The following AXDND1 variants were observed in gnomAD, a reference collection of about 807,000 sequenced individuals.
The protein encoded by AXDND1 is axonemal dynein light chain domain containing 1.
A neutral mutation model predicts 137.5 loss-of-function variants in AXDND1; 110 were observed. The ratio of observed to expected loss-of-function variants is 0.80; its 90% CI spans 0.69 to 0.94. AXDND1 has a LOEUF of 0.94. Ranked by LOEUF, AXDND1 falls within the 40% of genes least tolerant of loss-of-function variation. The pLI is 0.00. For missense variants in AXDND1, 1,191 were observed against 1,169.8 expected, an observed-to-expected ratio of 1.02 and a Z score of -0.26; for synonymous variants, 414 against 399.7, an observed-to-expected ratio of 1.04 and a Z score of -0.43.
intron 20 of AXDND1, chr1:179,506,849 T>C: frequency 1.0e-6 from 1 of 985,460 alleles, no homozygotes; most frequent in Non-Finnish European, 1.2e-6. Context: ...CACTGCCGGT[T>C]CCAGGATTTG....
chr1:179,456,670 C>T, intron 16 of AXDND1: 2 of 818,602 alleles, frequency 2.4e-6, no homozygotes, highest in Non-Finnish European at 4.2e-6. Context: ...CCATCATGAC[C>T]ACTGAAGTTT....
At chr1:179,489,117 T>C (rs1666544924) in intron 18 of AXDND1, among the ~76,000 whole-genome samples, 1 of 125,714 alleles carries the variant, frequency 8.0e-6, no homozygotes, top group African/African-American at 3.5e-5. Flanking sequence ...AAGAAGTCTT[T>C]TCACAAAAGA....
In AXDND1 at chr1:179,430,580, G is replaced by A; in HGVS notation, c.1461G>A (p.Gly487=). ...AGACACTGAAAATTGTTAAGGATGG[G>A]CTTATCAAATGGCAGGAGTTCTTCA... ...TSETLKIVKD[G]LIKWQEFFNE... The change falls in exon 14 of 26, where the codon GGG becomes GGA. Residue 487 remains glycine (G), a synonymous_variant. Coordinates refer to ENST00000367618, the MANE Select transcript of AXDND1 (RefSeq NM_144696.6). The A allele has an allele frequency of 6.2e-7, 1 of 1,612,344 alleles. No individual in the cohort carries two copies. The highest frequency in any genetic ancestry group is 1.3e-5 in the African/African-American group (1 of 74,892).
At chr1:179,516,511 TG>T (rs1360918407) in intron 21 of AXDND1, among the ~76,000 whole-genome samples, 1 of 152,204 alleles carries the variant, frequency 6.6e-6, no homozygotes, top group Non-Finnish European at 1.5e-5. Flanking sequence ...TGTGATTTTC[TG>T]GGGGTGTTAA....
intron 17 of AXDND1, 84 bp downstream of exon 17, chr1:179,468,725 CAA>C (rs1260492081): frequency 9.1e-7 from 1 of 1,097,076 alleles, no homozygotes; most frequent in African/African-American, 1.6e-5. Context: ...TTCACTTTTT[CAA>C]AGTGTACAAT....
intron 15 of AXDND1, 71 bp from the exon 16 acceptor site, chr1:179,444,899 A>C (rs1659509672): frequency 1.1e-5 from 12 of 1,050,652 alleles, no homozygotes; most frequent in Admixed American, 7.0e-5. Flanking sequence ...CTGGGGAATA[A>C]GCATCTGGTA....
chr1:179,509,103 G>A (rs774679089), intron 20 of AXDND1, among the ~76,000 whole-genome samples, 193 bp from the exon 21 acceptor site: 2 of 152,082 alleles, frequency 1.3e-5, no homozygotes, highest in East Asian at 3.9e-4. Context: ...ATCCCACACC[G>A]TGTCAATAAG....
intron 25 of AXDND1, among the ~76,000 whole-genome samples, chr1:179,539,187 A>C (rs1479660479): frequency 6.6e-6 from 1 of 152,200 alleles, no homozygotes; most frequent in East Asian, 1.9e-4. Context: ...TAGCCCATTT[A>C]CATTTAAGGT....
chr1:179,383,409 T>G (rs1210644284), intron 7 of AXDND1, 33 bp from the exon 8 acceptor site: 2 of 1,483,856 alleles, frequency 1.3e-6, no homozygotes, highest in Non-Finnish European at 1.9e-6. Flanking sequence ...GTTGCAATGT[T>G]AATTGCATAA....
rs1164895613 is a variant in AXDND1, at chr1:179,486,802, G to T, written c.2091+3581G>T. Among the ~76,000 whole-genome samples the T allele has an allele frequency of 1.3e-5, 2 of 148,678 alleles. 1 individual carries two copies. Among genetic ancestry groups the T allele is most frequent in the African/African-American group, 5.1e-5 (2 of 39,030 alleles). Reference sequence around the variant, plus strand: ...CTGAGGGAATTTTTTGTGACCAGATGTGCCTTACAGGAGGTCCTGAAGAGA... The same window carrying T: ...CTGAGGGAATTTTTTGTGACCAGATTTGCCTTACAGGAGGTCCTGAAGAGA... On this transcript the variant is annotated intron_variant, in intron 18 of 25. Coordinates refer to ENST00000367618, the MANE Select transcript of AXDND1 (RefSeq NM_144696.6).
intron 25 of AXDND1, among the ~76,000 whole-genome samples, chr1:179,541,488 T>G (rs1368810642): frequency 6.6e-6 from 1 of 151,960 alleles, no homozygotes; most frequent in Non-Finnish European, 1.5e-5. Context: ...TGTTTTTTTT[T>G]TTTTTTTAAT....
chr1:179,447,014 T>G (rs1214063119), intron 16 of AXDND1, among the ~76,000 whole-genome samples: 1 of 152,232 alleles, frequency 6.6e-6, no homozygotes, highest in Non-Finnish European at 1.5e-5. Context: ...TCAGGGTATT[T>G]GAGGTATCTA....
intron 25 of AXDND1, chr1:179,535,163 T>C (rs1671414371): frequency 2.8e-6 from 2 of 711,400 alleles, no homozygotes; most frequent in Non-Finnish European, 4.5e-6. Context: ...TGAATAACAA[T>C]TGTGAATGAA....
chr1:179,523,785 T>C (rs1454477639), intron 21 of AXDND1, among the ~76,000 whole-genome samples: 1 of 152,056 alleles, frequency 6.6e-6, no homozygotes, highest in Non-Finnish European at 1.5e-5. Flanking sequence ...TTAGTGATAA[T>C]TTCTCAGATT....
intron 1 of AXDND1, 80 bp from the exon 2 acceptor site, chr1:179,366,324 C>T: frequency 2.0e-6 from 1 of 508,286 alleles, no homozygotes; most frequent in Non-Finnish European, 3.5e-6. Flanking sequence ...TAGATGAATT[C>T]TAAACTGCGA....
At chr1:179,400,679 A>G (rs7556346) in intron 11 of AXDND1, among the ~76,000 whole-genome samples, 43,434 of 147,048 alleles carry the variant, frequency 0.3, 6,523 homozygotes, top group Non-Finnish European at 0.31. Flanking sequence ...CAAGGTGGGC[A>G]GATCACGAGG....
At chr1:179,409,325 A>G (rs1274656012) in intron 11 of AXDND1, among the ~76,000 whole-genome samples, 3 of 152,042 alleles carry the variant, frequency 2.0e-5, no homozygotes, top group Non-Finnish European at 4.4e-5. Context: ...CTGAATTTGT[A>G]TATCAATTCT....
Position 179,471,632 on chromosome 1 carries a change from T to A in AXDND1, c.1997+2991T>A, listed in dbSNP as rs952554627. On this transcript the variant is annotated intron_variant, in intron 17 of 25. Transcript: ENST00000367618. ...AACTTAGCTAAATGTTTGTTAATAT[T>A]GTTGATCTTTTCAAATAACCATCTT... Among the ~76,000 whole-genome samples the A allele has an allele frequency of 4.5e-4, 69 of 152,212 alleles. 2 individuals are homozygous for A.
intron 25 of AXDND1, among the ~76,000 whole-genome samples, chr1:179,536,573 A>C (rs1412367328): frequency 6.6e-6 from 1 of 151,980 alleles, no homozygotes; most frequent in Non-Finnish European, 1.5e-5. Context: ...TGGTCTATAT[A>C]TCTGTTTTGG....
Sources: allele counts gnomAD v4.1 joint callset (sites outside exome capture counted in the v4.1 genomes callset), GRCh38; gene constraint gnomAD v4.1.1; transcripts MANE v1.5; gene names NCBI Gene and HGNC (gene_info 2026-07-23, HGNC 2026-07-21).